SYT14: variants seen among roughly 807,000 people sequenced by gnomAD.
The protein encoded by SYT14 is synaptotagmin 14.
Under a neutral mutation model 74.2 loss-of-function variants are expected in SYT14, and 32 were observed. That is an observed-to-expected ratio of 0.43 (90% CI 0.33 to 0.58). SYT14 has a LOEUF of 0.58. Among genes scored for constraint, SYT14 ranks in the 20% least tolerant of loss-of-function variants. The pLI is 0.05. For synonymous variants in SYT14, 298 were observed against 337.7 expected (o/e 0.88, Z 1.29); for missense variants, 791 against 981.8 (o/e 0.81, Z 2.60).
intron 7 of SYT14, among the ~76,000 whole-genome samples, chr1:210,110,678 T>C (rs1294709344): frequency 6.6e-6 from 1 of 152,232 alleles, no homozygotes; most frequent in Non-Finnish European, 1.5e-5. Context: ...AGTCATAATT[T>C]GGTTCTATTT....
chr1:210,011,890 A>G (rs1372700170), intron 2 of SYT14, among the ~76,000 whole-genome samples: 1 of 152,214 alleles, frequency 6.6e-6, no homozygotes, highest in African/African-American at 2.4e-5. Context: ...ACAAAAACTT[A>G]GTTCCTGTTT....
chr1:209,943,068 T>G, intron 1 of SYT14, among the ~76,000 whole-genome samples: 1 of 152,218 alleles, frequency 6.6e-6, no homozygotes, highest in East Asian at 1.9e-4. Flanking sequence ...AGGCAAAATT[T>G]AGACTTTCAA....
chr1:209,970,662 CTTTTTTTTTTTTTTTTTTTT>C (rs35639848), intron 2 of SYT14, among the ~76,000 whole-genome samples: 39 of 62,808 alleles, frequency 6.2e-4, no homozygotes, highest in East Asian at 1.6e-3. Context: ...GGCAGTATGG[CTTTTTTTTTTTTTTTTTTTT>C]TTTTTTTTTT....
At chr1:210,144,111 T>G (rs1346828344) in intron 7 of SYT14, among the ~76,000 whole-genome samples, 1 of 152,146 alleles carries the variant, frequency 6.6e-6, no homozygotes, top group Non-Finnish European at 1.5e-5. Context: ...GCTAATACGT[T>G]TTCATCTTGC....
In SYT14 at chr1:209,986,589, G is replaced by C. The variant is rs1164767733; in HGVS notation, c.-485-27044G>C. 3.3e-5 allele frequency among the ~76,000 whole-genome samples: 5 copies of C among 151,822 alleles called. No homozygotes were observed. In the South Asian group the frequency reaches 6.3e-4, roughly 19 times the overall value. ...GATTGCGCCATTGCACTCCAGCCTG[G>C]GTGATAGCATGAGACTCCGTCTCAA... On this transcript the variant is annotated intron_variant, in intron 2 of 9. Coordinates refer to ENST00000637265, the Ensembl canonical transcript of SYT14.
At chr1:210,038,830 C>T (rs2080725376) in intron 5 of SYT14, among the ~76,000 whole-genome samples, 1 of 152,068 alleles carries the variant, frequency 6.6e-6, no homozygotes, top group South Asian at 2.1e-4. Flanking sequence ...ATGCTATTTT[C>T]CTCCCAACAC....
exon 4 of SYT14, chr1:210,016,720 A>G (rs144414789): frequency 8.1e-7 from 1 of 1,231,916 alleles, no homozygotes; most frequent in Non-Finnish European, 1.0e-6. Flanking sequence ...GAAGAGATCA[A>G]GAGAATATGG....
chr1:209,951,354 T>C (rs757025882), intron 1 of SYT14, among the ~76,000 whole-genome samples: 4 of 152,198 alleles, frequency 2.6e-5, no homozygotes, highest in Non-Finnish European at 4.4e-5. Flanking sequence ...CTGACTTTTG[T>C]AGATTCCACA....
At chr1:209,941,836 A>G (rs2078735666) in intron 1 of SYT14, among the ~76,000 whole-genome samples, 1 of 152,196 alleles carries the variant, frequency 6.6e-6, no homozygotes, top group Non-Finnish European at 1.5e-5. Context: ...CCCTGGAGAC[A>G]CTAAAATTTA....
rs2080192352 is a variant in SYT14, at chr1:210,016,765, AG to A, written c.765del (p.His256IlefsTer5). On this transcript the variant is annotated frameshift_variant, in exon 4 of 10. Transcript: ENST00000637265. LOFTEE classifies it high-confidence loss of function. ...ATAAATGTAAACATCTTCCCGATTT[AG>A]GGCATTCAGATCATTTAAAGAAAGC... is the stretch of plus-strand genomic sequence containing the variant. 5 of 1,231,866 alleles carry A rather than the reference AG, an allele frequency of 4.1e-6. No individual in the cohort carries two copies. In the South Asian group the frequency reaches 1.2e-4, roughly 30 times the overall value. The allele number at this position is 1,231,866 out of a possible 1,614,324, so 76.3% of individuals were successfully genotyped here. A position where few individuals can be genotyped will look rare whatever the true frequency, so the allele number is the denominator to read the frequency against.
intron 5 of SYT14, among the ~76,000 whole-genome samples, chr1:210,024,816 GA>G (rs1380224046): frequency 6.6e-6 from 1 of 152,084 alleles, no homozygotes; most frequent in Admixed American, 6.6e-5. Flanking sequence ...ATAAAGAGGA[GA>G]ATCAGGAAAA....
intron 5 of SYT14, among the ~76,000 whole-genome samples, chr1:210,021,536 A>C (rs1486058885): frequency 6.6e-6 from 1 of 152,218 alleles, no homozygotes; most frequent in Non-Finnish European, 1.5e-5. Context: ...ATGATATGAA[A>C]GATGTGAATC....
intron 2 of SYT14, among the ~76,000 whole-genome samples, chr1:209,960,752 C>T (rs1213213243): frequency 6.6e-6 from 1 of 152,150 alleles, no homozygotes; most frequent in Non-Finnish European, 1.5e-5. Flanking sequence ...TGATTGTTGA[C>T]ATAGGATGTG....
chr1:210,061,285 C>T (rs768848135), intron 5 of SYT14, among the ~76,000 whole-genome samples: 3 of 151,876 alleles, frequency 2.0e-5, no homozygotes, highest in Non-Finnish European at 4.4e-5. Flanking sequence ...CAATGATGTT[C>T]GTATCTGGAG....
intron 7 of SYT14, among the ~76,000 whole-genome samples, chr1:210,141,133 G>A (rs1416606082): frequency 1.3e-5 from 2 of 149,740 alleles, no homozygotes; most frequent in Admixed American, 6.7e-5. Context: ...CTACATTACT[G>A]TCTTAACAAT....
intron 5 of SYT14, among the ~76,000 whole-genome samples, chr1:210,091,945 A>C (rs1240106406): frequency 6.6e-6 from 1 of 152,204 alleles, no homozygotes. Context: ...CTTCTAAGAA[A>C]AAAGGTAAAG....
At chr1:210,161,115 T>C (rs2083365482) in exon 10 of SYT14, 2 of 1,510,554 alleles carry the variant, frequency 1.3e-6, no homozygotes, top group African/African-American at 1.4e-5. Context: ...TTCTACCAAG[T>C]CCCATTAGAA....
At chr1:210,023,137 T>C (rs2102961236) in intron 5 of SYT14, among the ~76,000 whole-genome samples, 1 of 152,332 alleles carries the variant, frequency 6.6e-6, no homozygotes, top group African/African-American at 2.4e-5. Context: ...TGAGATTATA[T>C]TTATTTATTT....
intron 2 of SYT14, among the ~76,000 whole-genome samples, chr1:209,986,849 C>T (rs750146870): frequency 7.9e-5 from 12 of 152,052 alleles, no homozygotes; most frequent in Non-Finnish European, 1.8e-4. Flanking sequence ...GTCTTGAACT[C>T]CTGACCTTGT....
Sources: allele counts gnomAD v4.1 joint callset (sites outside exome capture counted in the v4.1 genomes callset), GRCh38; gene constraint gnomAD v4.1.1; transcripts MANE v1.5; gene names NCBI Gene and HGNC (gene_info 2026-07-23, HGNC 2026-07-21).